Variants in CDH7 observed in about 807,000 individuals in gnomAD.
CDH7 encodes the protein cadherin 7.
CDH7 carries 25 observed loss-of-function variants against 71.8 expected under a neutral mutation model. The observed-to-expected ratio is 0.35, with a 90% CI of 0.25 to 0.49. The LOEUF (loss-of-function observed/expected upper bound fraction) is 0.49. Ranked by LOEUF, CDH7 falls within the 20% of genes least tolerant of loss-of-function variation. CDH7 has a pLI of 0.99. For missense variants in CDH7, 862 were observed against 974.6 expected, an observed-to-expected ratio of 0.88 and a Z score of 1.54; for synonymous variants, 381 against 363.8, an observed-to-expected ratio of 1.05 and a Z score of -0.54.
At chr18:65,831,761 A>G (rs576300488) in intron 6 of CDH7, among the ~76,000 whole-genome samples, 1 of 151,944 alleles carries the variant, frequency 6.6e-6, no homozygotes, top group Admixed American at 6.6e-5. Context: ...GAAATTTAGA[A>G]TGGATTTTTG....
intron 11 of CDH7, among the ~76,000 whole-genome samples, chr18:65,873,385 A>G (rs1913982788): frequency 6.6e-6 from 1 of 152,222 alleles, no homozygotes; most frequent in Admixed American, 6.5e-5. Flanking sequence ...ATTGTGAACC[A>G]TCAGTGTGAA....
chr18:65,884,894 T>A lies in CDH7; in HGVS notation c.*4000T>A, dbSNP rs745663165. On this transcript the variant is annotated 3_prime_UTR_variant, in exon 12 of 12. Transcript: ENST00000397968. The stretch of plus-strand genomic sequence containing the variant: ...AAAGTTTTATTTACAGTTGACCTAA[T>A]CCAATTGAAGTTGATGAAAGCTTCA... The A allele has an allele frequency of 6.6e-6, 1 of 152,218 alleles. No individual in the cohort carries two copies. The highest frequency in any genetic ancestry group is 1.5e-5 in the Non-Finnish European group (1 of 68,036). 9.4% of individuals were successfully genotyped at this position (152,218 alleles called of 1,614,324 possible).
At chr18:65,779,236 G>C (rs1475480806) in intron 2 of CDH7, among the ~76,000 whole-genome samples, 3 of 135,844 alleles carry the variant, frequency 2.2e-5, no homozygotes, top group South Asian at 2.5e-4. Context: ...GGAAGCTGGA[G>C]CCATAAGAAT....
chr18:65,760,554 A>C (rs2143782765), intron 1 of CDH7, among the ~76,000 whole-genome samples: 1 of 152,272 alleles, frequency 6.6e-6, no homozygotes, highest in South Asian at 2.1e-4. Flanking sequence ...TATTATCAGG[A>C]GCCAAAGTGT....
intron 2 of CDH7, among the ~76,000 whole-genome samples, chr18:65,781,819 C>CTTCT (rs1224080276): frequency 0.096 from 4,199 of 43,934 alleles, 586 homozygotes; most frequent in Admixed American, 0.14. Flanking sequence ...TCCTTCCTTC[C>CTTCT]TTCTTTCTTT....
chr18:65,804,739 AG>A (rs1911253802), intron 2 of CDH7, among the ~76,000 whole-genome samples: 1 of 97,230 alleles, frequency 1.0e-5, no homozygotes, highest in African/African-American at 3.2e-5. Flanking sequence ...TATGAGAGAG[AG>A]AAAAAGGGAG....
At chr18:65,782,165 CCTTTCTTTCTTTCTT>C (rs1910328469) in intron 2 of CDH7, among the ~76,000 whole-genome samples, 7 of 25,520 alleles carry the variant, frequency 2.7e-4, no homozygotes, top group African/African-American at 1.2e-3. Flanking sequence ...TTTCTTTCTT[CCTTTCTTTCTTTCTT>C]TCTTTCTTGA....
chr18:65,838,173 G>A (rs891023743), intron 6 of CDH7, among the ~76,000 whole-genome samples: 2 of 151,966 alleles, frequency 1.3e-5, no homozygotes, highest in East Asian at 3.9e-4. Context: ...GCCTGCTTTG[G>A]CCTCCCAAAG....
chr18:65,764,784 G>C (rs2143792922), intron 2 of CDH7, among the ~76,000 whole-genome samples: 1 of 152,032 alleles, frequency 6.6e-6, no homozygotes, highest in Admixed American at 6.6e-5. Flanking sequence ...AAGTTGCTTG[G>C]GTGAAGTTGA....
intron 6 of CDH7, among the ~76,000 whole-genome samples, chr18:65,826,062 A>G (rs1055708402): frequency 2.6e-5 from 4 of 151,598 alleles, no homozygotes; most frequent in Non-Finnish European, 5.9e-5. Context: ...TTCTAAATTT[A>G]ATATAAAATA....
chr18:65,825,340 A>G (rs1395534303), intron 6 of CDH7, among the ~76,000 whole-genome samples: 24 of 151,906 alleles, frequency 1.6e-4, no homozygotes, highest in Non-Finnish European at 1.0e-4. Context: ...GAAAAGCATG[A>G]AAAGTTGTAA....
intron 6 of CDH7, among the ~76,000 whole-genome samples, chr18:65,834,623 A>G (rs570375065): frequency 4.5e-4 from 68 of 152,244 alleles, no homozygotes; most frequent in Admixed American, 7.8e-4. Flanking sequence ...AAGAAATTGC[A>G]TATGTTATCA....
At chr18:65,782,144 T>C (rs369730268) in intron 2 of CDH7, among the ~76,000 whole-genome samples, 1,988 of 61,502 alleles carry the variant, frequency 0.032, 341 homozygotes, top group Middle Eastern at 0.062. Context: ...CTTTCTTTCT[T>C]TCTTTCTTTC....
chr18:65,832,616 G>A (rs936692426), intron 6 of CDH7, among the ~76,000 whole-genome samples: 17 of 151,994 alleles, frequency 1.1e-4, no homozygotes, highest in Admixed American at 2.6e-4. Context: ...CAATGCAAAT[G>A]CTATTCCTTG....
intron 2 of CDH7, among the ~76,000 whole-genome samples, chr18:65,781,758 C>CTTTT (rs1910199326): frequency 5.7e-5 from 2 of 35,236 alleles, no homozygotes; most frequent in East Asian, 1.0e-3. Context: ...TGATTTCTTT[C>CTTTT]TTTCTTTCTT....
chr18:65,811,970 T>TTC (rs1911557397), intron 3 of CDH7, among the ~76,000 whole-genome samples: 1 of 130,166 alleles, frequency 7.7e-6, no homozygotes, highest in South Asian at 2.6e-4. Context: ...TCTTTTCTTT[T>TTC]TTTTTTTTTT....
intron 2 of CDH7, among the ~76,000 whole-genome samples, chr18:65,806,717 T>C (rs1911339103): frequency 6.6e-6 from 1 of 152,060 alleles, no homozygotes; most frequent in Non-Finnish European, 1.5e-5. Flanking sequence ...CTTGTCAACT[T>C]AAGAACGTGA....
chr18:65,750,748 C>G (rs1915840976), upstream of CDH7: 1 of 152,812 alleles, frequency 6.5e-6, no homozygotes, highest in African/African-American at 2.4e-5. Context: ...CTCTTCCCCT[C>G]CCTCTTCGGC....
intron 2 of CDH7, among the ~76,000 whole-genome samples, chr18:65,800,476 T>G (rs1911083022): frequency 6.6e-6 from 1 of 152,278 alleles, no homozygotes; most frequent in African/African-American, 2.4e-5. Context: ...GCTGGTGGTG[T>G]TTCTGACCTG....
Sources: allele counts gnomAD v4.1 joint callset (sites outside exome capture counted in the v4.1 genomes callset), GRCh38; gene constraint gnomAD v4.1.1; transcripts MANE v1.5; gene names NCBI Gene and HGNC (gene_info 2026-07-23, HGNC 2026-07-21).